Variants in CLVS1 observed in about 807,000 individuals in gnomAD.
CLVS1 encodes the protein clavesin-1.
In CLVS1, 10 loss-of-function variants were observed where a neutral mutation model predicts 33.1. That is an observed-to-expected ratio of 0.30 (90% CI 0.19 to 0.51). The LOEUF is 0.51. Among genes scored for constraint, CLVS1 ranks in the 20% least tolerant of loss-of-function variants. CLVS1 has a pLI of 0.97. For missense variants in CLVS1, 343 were observed against 433.4 expected (o/e 0.79, Z 1.85); for synonymous variants, 163 against 166.1 (o/e 0.98, Z 0.14).
intron 2 of CLVS1, among the ~76,000 whole-genome samples, chr8:61,260,295 G>A (rs1267833766): frequency 6.6e-6 from 1 of 152,180 alleles, no homozygotes; most frequent in Non-Finnish European, 1.5e-5. Flanking sequence ...TAAATTAATA[G>A]TGGTGCCCTT....
At chr8:60,974,932 T>A in the CLVS1 span, among the ~76,000 whole-genome samples, 1 of 152,158 alleles carries the variant, frequency 6.6e-6, no homozygotes, top group Non-Finnish European at 1.5e-5. Flanking sequence ...TTGGATGAAT[T>A]GCTGATGTCC....
chr8:61,295,357 G>A (rs1810157181), intron 1 of CLVS1, among the ~76,000 whole-genome samples: 1 of 152,114 alleles, frequency 6.6e-6, no homozygotes, highest in Non-Finnish European at 1.5e-5. Flanking sequence ...TCTTTGATCT[G>A]TCATTTCTGC....
chr8:61,032,924 C>T, the CLVS1 span, among the ~76,000 whole-genome samples: 1 of 143,896 alleles, frequency 6.9e-6, no homozygotes, highest in Non-Finnish European at 1.5e-5. Flanking sequence ...AGTTTGAGAC[C>T]AGCTTGGACA....
intron 3 of CLVS1, among the ~76,000 whole-genome samples, chr8:61,400,847 A>G (rs1814720220): frequency 6.6e-6 from 1 of 152,028 alleles, no homozygotes; most frequent in African/African-American, 2.4e-5. Flanking sequence ...ATTGATTTGC[A>G]TATGTTGAAC....
rs76168142 is a variant in CLVS1 at position 61,086,277 on chromosome 8, G to C, written c.-243+29047G>C. On this transcript the variant is annotated intron_variant, in intron 1 of 2. Coordinates refer to the CLVS1 transcript ENST00000522621. ...ATGCATGACCTTATGAGTCAGTGAA[G>C]TCTGACTTGAAAACCTAGGAGACTC... Among the ~76,000 whole-genome samples, 1,227 of 152,038 alleles carry C rather than the reference G, an allele frequency of 8.1e-3. 17 individuals are homozygous for C. Among genetic ancestry groups the C allele is most frequent in the African/African-American group, 0.028 (1,158 of 41,502 alleles).
chr8:61,461,820 A>G (rs1040764229), intron 5 of CLVS1, among the ~76,000 whole-genome samples: 2 of 152,182 alleles, frequency 1.3e-5, no homozygotes, highest in Non-Finnish European at 2.9e-5. Context: ...AATGACACCA[A>G]TTGATACTCC....
intron 3 of CLVS1, among the ~76,000 whole-genome samples, chr8:61,409,694 C>T (rs1338163321): frequency 6.6e-6 from 1 of 152,100 alleles, no homozygotes; most frequent in East Asian, 1.9e-4. Context: ...TAAAATTATC[C>T]GTTTGCAATT....
chr8:61,036,058 A>G, the CLVS1 span, among the ~76,000 whole-genome samples: 2 of 152,104 alleles, frequency 1.3e-5, no homozygotes, highest in Non-Finnish European at 2.9e-5. Context: ...CTCCACCACA[A>G]TCTACACCAC....
At chr8:61,411,093 G>T (rs1458008366) in intron 3 of CLVS1, among the ~76,000 whole-genome samples, 1 of 152,158 alleles carries the variant, frequency 6.6e-6, no homozygotes, top group Admixed American at 6.5e-5. Context: ...TAGGCTGTTG[G>T]ATCCAAATCC....
At chr8:61,396,350 T>C (rs969912081) in intron 3 of CLVS1, among the ~76,000 whole-genome samples, 9 of 152,106 alleles carry the variant, frequency 5.9e-5, no homozygotes, top group Non-Finnish European at 1.2e-4. Context: ...TAAAAAGTAA[T>C]AAAAAATTGT....
chr8:61,246,815 T>A (rs7017351), intron 2 of CLVS1, among the ~76,000 whole-genome samples: 21,984 of 152,090 alleles, frequency 0.14, 3,347 homozygotes, highest in East Asian at 0.68. Flanking sequence ...TTTAAAAAAA[T>A]TTATTTTAGG....
At chr8:61,032,169 T>C in the CLVS1 span, among the ~76,000 whole-genome samples, 2 of 152,122 alleles carry the variant, frequency 1.3e-5, no homozygotes, top group Non-Finnish European at 2.9e-5. Context: ...CAAACTCTAC[T>C]CTTGGAAAGA....
At chr8:61,317,863 T>TG (rs11462339) in intron 2 of CLVS1, among the ~76,000 whole-genome samples, 78,363 of 151,906 alleles carry the variant, frequency 0.52, 20,769 homozygotes, top group East Asian at 0.82. Flanking sequence ...CATTGTATCA[T>TG]TATTCAACAC....
At chr8:61,290,093 T>C (rs1809931912) in intron 1 of CLVS1, among the ~76,000 whole-genome samples, 1 of 152,202 alleles carries the variant, frequency 6.6e-6, no homozygotes, top group Admixed American at 6.5e-5. Context: ...TCAGAAAATT[T>C]TTAAGAGTGT....
At chr8:61,057,964 G>T (rs1409634016) in intron 1 of CLVS1, among the ~76,000 whole-genome samples, 1 of 152,162 alleles carries the variant, frequency 6.6e-6, no homozygotes, top group Non-Finnish European at 1.5e-5. Context: ...TGGGAGAAAA[G>T]GTCCCATTGA....
At chr8:61,129,086 T>A (rs1331477172) in intron 1 of CLVS1, among the ~76,000 whole-genome samples, 2 of 152,244 alleles carry the variant, frequency 1.3e-5, no homozygotes, top group Non-Finnish European at 2.9e-5. Flanking sequence ...TCAGGTTTCC[T>A]TAGAACATCA....
intron 1 of CLVS1, among the ~76,000 whole-genome samples, chr8:61,093,667 A>G (rs768027821): frequency 6.6e-6 from 1 of 152,224 alleles, no homozygotes; most frequent in Non-Finnish European, 1.5e-5. Flanking sequence ...GAAAATAGTG[A>G]GGCACTAAGC....
At chr8:61,492,523 T>G (rs906470500) in intron 5 of CLVS1, among the ~76,000 whole-genome samples, 2 of 152,144 alleles carry the variant, frequency 1.3e-5, no homozygotes, top group Non-Finnish European at 2.9e-5. Flanking sequence ...CATGTTTTTT[T>G]GGGGGGGTCT....
intron 3 of CLVS1, among the ~76,000 whole-genome samples, chr8:61,410,069 T>TG (rs1219332002): frequency 6.7e-6 from 1 of 150,034 alleles, no homozygotes; most frequent in Non-Finnish European, 1.5e-5. Flanking sequence ...TGCAGAGGTT[T>TG]TTTTTTTTTT....
Sources: gnomAD v4.1 joint callset for allele counts (sites outside exome capture counted in the v4.1 genomes callset) on GRCh38, gnomAD v4.1.1 for gene constraint, MANE v1.5 for transcripts, NCBI Gene and HGNC (gene_info 2026-07-23, HGNC 2026-07-21) for gene names.